Variants in GDAP1 observed in about 807,000 individuals in gnomAD.
The protein encoded by GDAP1 is ganglioside-induced differentiation-associated protein 1.
In GDAP1, 34 loss-of-function variants were observed where a neutral mutation model predicts 40.1. The observed-to-expected ratio is 0.85, with a 90% CI of 0.64 to 1.13. The LOEUF (loss-of-function observed/expected upper bound fraction) is 1.13, where lower values mean the gene tolerates loss of function less well. Ranked by LOEUF, GDAP1 falls within the 50% of genes most tolerant of loss-of-function variation. The pLI, the probability that GDAP1 is intolerant of heterozygous loss-of-function variation, is 0.00. For synonymous variants in GDAP1, 170 were observed against 157.4 expected (o/e 1.08, Z -0.60); for missense variants, 374 against 433.7 (o/e 0.86, Z 1.22).
rs1386750035 is a variant in GDAP1 at position 74,394,150 on chromosome 8, C to T, written c.165+42829C>T. Among the ~76,000 whole-genome samples, 3 of 152,130 alleles carry T rather than the reference C, an allele frequency of 2.0e-5. No homozygotes were observed. The East Asian group carries it at 5.8e-4, about 29-fold the overall frequency. On this transcript the variant is annotated intron_variant, in intron 2 of 2. Coordinates refer to the GDAP1 transcript ENST00000523640. ...AAGGCAGGGAGGAGCAAGTCACGTC[C>T]TACGTGGATGGCTGGAGGCAAAGAG...
chr8:74,365,648 A>G lies in GDAP1; in HGVS notation c.*1281A>G, dbSNP rs1296734238. 3 of 454,426 alleles carry G rather than the reference A, an allele frequency of 6.6e-6. No individual in the cohort carries two copies. Among genetic ancestry groups the G allele is most frequent in the Non-Finnish European group, 1.3e-5 (3 of 226,798 alleles). 28.1% of individuals were successfully genotyped at this position (454,426 alleles called of 1,614,324 possible). The stretch of plus-strand genomic sequence containing the variant: ...AGTAGCCAAAGAATGTACTAACTTT[A>G]TCATTAATAGGAAAGTCATACCTAG... On this transcript the variant is annotated 3_prime_UTR_variant, in exon 6 of 6. Transcript: ENST00000220822.
chr8:74,436,030 T>C (rs1806084365), intron 2 of GDAP1, among the ~76,000 whole-genome samples: 1 of 152,226 alleles, frequency 6.6e-6, no homozygotes, highest in African/African-American at 2.4e-5. Context: ...GTGAAAACAC[T>C]TTAAGCTGTT....
At chr8:74,481,960 G>A (rs1458972766) in intron 2 of GDAP1, among the ~76,000 whole-genome samples, 1 of 152,158 alleles carries the variant, frequency 6.6e-6, no homozygotes, top group Non-Finnish European at 1.5e-5. Flanking sequence ...TTGGTCTTTA[G>A]CAGGGGAGGA....
At position 74,351,345 on chromosome 8, in the gene GDAP1, C is replaced by T; in HGVS notation, c.189C>T (p.His63=). 1.2e-6 allele frequency: 2 copies of T among 1,613,932 alleles called. No homozygotes were observed. Among genetic ancestry groups the T allele is most frequent in the Non-Finnish European group, 1.7e-6 (2 of 1,179,748 alleles). ...ATGTAAGTCTGCCCTTGAGTGAGCA[C>T]AATGAGCCTTGGTTTATGCGTTTGA... ...EHDVSLPLSE[H]NEPWFMRLNS... Residue 63 remains histidine (H), a synonymous_variant, in exon 2 of 6, where the codon CAC becomes CAT. Transcript: ENST00000220822.
Position 74,364,556 on chromosome 8 carries a change from G to T in GDAP1, c.*189G>T, listed in dbSNP as rs1266741338. 2 of 699,938 alleles carry T rather than the reference G, an allele frequency of 2.9e-6. No homozygotes were observed. The highest frequency in any genetic ancestry group is 5.2e-6 in the Non-Finnish European group (2 of 386,990). The allele number at this position is 699,938 out of a possible 1,614,324, so 43.4% of individuals were successfully genotyped here. ...CACAAAATTGCTTTATTCTACAACT[G>T]CCAGCTCCAGGCAGAAATAGGAAGG... On this transcript the variant is annotated 3_prime_UTR_variant, in exon 6 of 6. Transcript: ENST00000220822.
At chr8:74,420,507 G>A (rs1563464522) in intron 2 of GDAP1, among the ~76,000 whole-genome samples, 1 of 152,072 alleles carries the variant, frequency 6.6e-6, no homozygotes, top group Non-Finnish European at 1.5e-5. Flanking sequence ...AAATTTCAGA[G>A]GATAAAGGAT....
chr8:74,384,720 A>G (rs1810000592), intron 2 of GDAP1, among the ~76,000 whole-genome samples: 1 of 152,158 alleles, frequency 6.6e-6, no homozygotes, highest in African/African-American at 2.4e-5. Flanking sequence ...AAAAAGCACT[A>G]AGTAACACTG....
At chr8:74,465,076 T>C (rs572226220) in intron 2 of GDAP1, among the ~76,000 whole-genome samples, 1 of 151,926 alleles carries the variant, frequency 6.6e-6, no homozygotes, top group Admixed American at 6.6e-5. Flanking sequence ...ACAAGTTAGC[T>C]GGGCGTGGTA....
intron 2 of GDAP1, among the ~76,000 whole-genome samples, chr8:74,399,460 T>C (rs200066597): frequency 0.49 from 73,003 of 147,976 alleles, 19,186 homozygotes; most frequent in African/African-American, 0.56. Flanking sequence ...ATTAGTCTTG[T>C]TAGCGGTCTA....
chr8:74,462,132 A>C, intron 2 of GDAP1, among the ~76,000 whole-genome samples: 1 of 152,350 alleles, frequency 6.6e-6, no homozygotes, highest in South Asian at 2.1e-4. Context: ...ACACATAAAG[A>C]TTTAAAAGAG....
At chr8:74,424,642 A>G (rs1176957876) in intron 2 of GDAP1, among the ~76,000 whole-genome samples, 2 of 152,188 alleles carry the variant, frequency 1.3e-5, no homozygotes, top group African/African-American at 4.8e-5. Flanking sequence ...TTTTAAAAAT[A>G]TTTTGACAAC....
At position 74,350,527 on chromosome 8, in the gene GDAP1, G is replaced by C. The variant is rs760748724; in HGVS notation, c.66G>C (p.Ala22=). 4 of 1,613,400 alleles carry C rather than the reference G, an allele frequency of 2.5e-6. No homozygotes were observed. Among genetic ancestry groups the C allele is most frequent in the Non-Finnish European group, 3.4e-6 (4 of 1,179,442 alleles). Residue 22 remains alanine, a synonymous_variant, in exon 1 of 6, where the codon GCG becomes GCC. Transcript: ENST00000220822. ...PPLRAEGKAD[A]EVKLILYHWT... is the part of the protein sequence containing the mutation. ...TGAGGGCGGAAGGCAAGGCCGACGC[G>C]GAGGTTAAGCTCATTCTGTACCATT...
intron 2 of GDAP1, among the ~76,000 whole-genome samples, chr8:74,389,584 C>G (rs887594677): frequency 2.2e-4 from 33 of 152,144 alleles, no homozygotes; most frequent in African/African-American, 7.7e-4. Context: ...GGTAACCTGT[C>G]CTTTCTCTCT....
intron 2 of GDAP1, among the ~76,000 whole-genome samples, chr8:74,411,923 G>T (rs1805714677): frequency 6.7e-6 from 1 of 149,622 alleles, no homozygotes; most frequent in African/African-American, 2.6e-5. Flanking sequence ...TAACTTATGA[G>T]AATTAACTTT....
intron 2 of GDAP1, among the ~76,000 whole-genome samples, chr8:74,469,531 G>A (rs1806517811): frequency 1.3e-5 from 2 of 151,930 alleles, no homozygotes; most frequent in African/African-American, 2.4e-5. Flanking sequence ...AGCCGGGCGC[G>A]GTGGCGGGCG....
chr8:74,420,021 G>C (rs1805835821), intron 2 of GDAP1, among the ~76,000 whole-genome samples: 1 of 152,248 alleles, frequency 6.6e-6, no homozygotes, highest in African/African-American at 2.4e-5. Flanking sequence ...CTCTATGTTT[G>C]TCCTTATGAC....
rs554709374 is a variant in GDAP1 at position 74,364,621 on chromosome 8, G to A, written c.*254G>A. On this transcript the variant is annotated 3_prime_UTR_variant, in exon 6 of 6. Transcript: ENST00000220822. Reference sequence around the variant, plus strand: ...AAGGAAAAATGAGAGAATGAAGTCTGTATAGGGTAGAGCAATAGAAAGTAA... The same window carrying A: ...AAGGAAAAATGAGAGAATGAAGTCTATATAGGGTAGAGCAATAGAAAGTAA... 1.6e-5 allele frequency: 10 copies of A among 606,334 alleles called. No homozygotes were observed. Among genetic ancestry groups the A allele is most frequent in the East Asian group, 1.1e-4 (3 of 28,568 alleles). 37.6% of individuals were successfully genotyped at this position (606,334 alleles called of 1,614,324 possible). A position where few individuals can be genotyped will look rare whatever the true frequency, so the allele number is the denominator to read the frequency against.
chr8:74,401,334 G>C (rs1381418425), intron 2 of GDAP1, among the ~76,000 whole-genome samples: 1 of 149,516 alleles, frequency 6.7e-6, no homozygotes, highest in Non-Finnish European at 1.5e-5. Flanking sequence ...CGTTCTTCCA[G>C]TTGATCGCAT....
intron 2 of GDAP1, among the ~76,000 whole-genome samples, chr8:74,356,723 T>A (rs1168073815): frequency 2.2e-4 from 32 of 143,156 alleles, no homozygotes; most frequent in African/African-American, 8.2e-4. Context: ...TATATTTTTT[T>A]TTTTTTTTTT....
Sources: allele counts gnomAD v4.1 joint callset (sites outside exome capture counted in the v4.1 genomes callset), GRCh38; gene constraint gnomAD v4.1.1; transcripts MANE v1.5; gene names NCBI Gene and HGNC (gene_info 2026-07-23, HGNC 2026-07-21).